Variants in FOXJ3 observed in about 807,000 individuals in gnomAD.
FOXJ3 encodes forkhead box J3, also known as forkhead box protein J3.
In FOXJ3, 22 loss-of-function variants were observed where a neutral mutation model predicts 76.1. The ratio of observed to expected loss-of-function variants is 0.29; its 90% CI spans 0.21 to 0.41. FOXJ3 has a LOEUF of 0.41. FOXJ3 is among the 10% of genes least tolerant of loss of function. FOXJ3 has a pLI of 1.00. For missense variants in FOXJ3, 613 were observed against 762.1 expected (o/e 0.80, Z 2.30); for synonymous variants, 269 against 261.2 (o/e 1.03, Z -0.29).
rs1570271303 is a variant in FOXJ3, at chr1:42,328,999, A to G, written c.-18+6060T>C. On this transcript the variant is annotated intron_variant, in intron 1 of 12. Transcript: ENST00000361346. ...CTATATTTTATCTTGTTATAGCACTAAAGTTTGACACTGTATGAGTCTCAT... is the reference window on the plus strand; with the variant it reads ...CTATATTTTATCTTGTTATAGCACTGAAGTTTGACACTGTATGAGTCTCAT... 3.3e-5 allele frequency among the ~76,000 whole-genome samples: 5 copies of G among 152,248 alleles called. No individual in the cohort carries two copies. In the South Asian group the frequency reaches 1.0e-3, roughly 32 times the overall value.
chr1:42,186,237 AC>A (rs1276204689), intron 11 of FOXJ3, among the ~76,000 whole-genome samples: 1 of 152,106 alleles, frequency 6.6e-6, no homozygotes, highest in African/African-American at 2.4e-5. Flanking sequence ...CAGGCTGGAC[AC>A]GTAAAAAAAA....
rs141684413 is a variant in FOXJ3 at position 42,299,978 on chromosome 1, G to A, written c.44+11072C>T. Among the ~76,000 whole-genome samples, 140 of 151,806 alleles carry A rather than the reference G, an allele frequency of 9.2e-4. 1 individual carries two copies. In the East Asian group the frequency reaches 0.025, roughly 27 times the overall value. The stretch of plus-strand genomic sequence containing the variant: ...AGCACTTTGGAAGGCCCAGGTGGGC[G>A]GATCACGAGGTCAGGAGTTTGAGAC... On this transcript the variant is annotated intron_variant, in intron 2 of 12. Transcript: ENST00000361346.
At chr1:42,198,773 G>A (rs2124265424) in intron 7 of FOXJ3, among the ~76,000 whole-genome samples, 1 of 152,262 alleles carries the variant, frequency 6.6e-6, no homozygotes, top group Non-Finnish European at 1.5e-5. Context: ...TAAGCTCTAA[G>A]AAGTACAGAA....
At chr1:42,251,706 A>ATT (rs1168120638) in intron 4 of FOXJ3, among the ~76,000 whole-genome samples, 973 of 87,486 alleles carry the variant, frequency 0.011, 78 homozygotes, top group African/African-American at 0.029. Flanking sequence ...GTTTGCCAGT[A>ATT]TTTTTTTTTT....
chr1:42,318,360 A>T (rs1655241906), intron 1 of FOXJ3, among the ~76,000 whole-genome samples: 1 of 152,194 alleles, frequency 6.6e-6, no homozygotes, highest in Non-Finnish European at 1.5e-5. Context: ...TTTATTTTGG[A>T]GATGGAGTTT....
At position 42,179,491 on chromosome 1, in the gene FOXJ3, T is replaced by C. The variant is rs939349143; in HGVS notation, c.*219A>G. Reference sequence around the variant, plus strand: ...AATCACACAACAGTTAGGAGCTACATAGGGCAGCTGGCAGGGAGACAAACA... The same window carrying C: ...AATCACACAACAGTTAGGAGCTACACAGGGCAGCTGGCAGGGAGACAAACA... On this transcript the variant is annotated 3_prime_UTR_variant, in exon 13 of 13. Coordinates refer to ENST00000361346, the MANE Select transcript of FOXJ3 (RefSeq NM_014947.5). 32 of 370,846 alleles carry C rather than the reference T, an allele frequency of 8.6e-5. No homozygotes were observed. In the East Asian group the frequency reaches 1.4e-3, roughly 16 times the overall value. The allele number at this position is 370,846 out of a possible 1,614,324, so 23.0% of individuals were successfully genotyped here.
intron 5 of FOXJ3, among the ~76,000 whole-genome samples, chr1:42,213,855 T>C (rs775262062): frequency 2.6e-5 from 4 of 152,158 alleles, no homozygotes; most frequent in Admixed American, 6.5e-5. Flanking sequence ...TGGTGTTCTA[T>C]TGCACATCCC....
intron 8 of FOXJ3, among the ~76,000 whole-genome samples, chr1:42,193,525 T>C (rs1413779542): frequency 6.6e-6 from 1 of 152,158 alleles, no homozygotes; most frequent in African/African-American, 2.4e-5. Context: ...TAGCAAAGTC[T>C]TCCATTAGTT....
In FOXJ3 at chr1:42,297,470, G is replaced by A. The variant is rs1653861472; in HGVS notation, c.44+13580C>T. On this transcript the variant is annotated intron_variant, in intron 2 of 12. Transcript: ENST00000361346. ...TGCCTAGTTTATTGAGGGTTGTTAT[G>A]AAGCGATGTTGGATTTTATCAAATC... 3.3e-5 allele frequency among the ~76,000 whole-genome samples: 5 copies of A among 152,194 alleles called. No homozygotes were observed. The South Asian group carries it at 1.0e-3, about 31-fold the overall frequency.
intron 1 of FOXJ3, among the ~76,000 whole-genome samples, chr1:42,326,248 C>T (rs1378240968): frequency 6.6e-6 from 1 of 152,014 alleles, no homozygotes; most frequent in Non-Finnish European, 1.5e-5. Flanking sequence ...GAGACTCCAA[C>T]TCAAAAAAAA....
intron 2 of FOXJ3, among the ~76,000 whole-genome samples, chr1:42,286,518 A>G (rs1653062287): frequency 6.6e-6 from 1 of 152,250 alleles, no homozygotes; most frequent in Non-Finnish European, 1.5e-5. Context: ...GGACTGTTGT[A>G]AGATTAAATG....
intron 2 of FOXJ3, among the ~76,000 whole-genome samples, chr1:42,283,969 CG>C (rs1396574615): frequency 6.6e-6 from 1 of 152,066 alleles, no homozygotes; most frequent in Non-Finnish European, 1.5e-5. Flanking sequence ...CATCTTGGAT[CG>C]TAAGATGATC....
At chr1:42,310,868 T>C (rs541728895) in intron 2 of FOXJ3, among the ~76,000 whole-genome samples, 182 bp downstream of exon 2, 1 of 152,292 alleles carries the variant, frequency 6.6e-6, no homozygotes, top group African/African-American at 2.4e-5. Flanking sequence ...CCAAATCCCA[T>C]TACCACGAAA....
At chr1:42,326,719 T>G (rs1655855624) in intron 1 of FOXJ3, among the ~76,000 whole-genome samples, 1 of 152,160 alleles carries the variant, frequency 6.6e-6, no homozygotes, top group African/African-American at 2.4e-5. Context: ...GGACCTAAAT[T>G]TAACAAGGGG....
chr1:42,328,851 G>A (rs1655994898), intron 1 of FOXJ3, among the ~76,000 whole-genome samples: 1 of 151,902 alleles, frequency 6.6e-6, no homozygotes, highest in Admixed American at 6.6e-5. Context: ...ATTTTTAGTA[G>A]AGACGAGATT....
rs541949560 is a variant in FOXJ3 at position 42,278,707 on chromosome 1, G to GA, written c.45-36dup. ...AATAGACTCCTTAGTCAATATCAAG[G>GA]AAAGAACCCCTGCTTCTCAAAATAT... On this transcript the variant is annotated intron_variant, in intron 2 of 12. Transcript: ENST00000361346. 5.6e-4 allele frequency: 797 copies of GA among 1,428,340 alleles called. 9 individuals carry two copies. The East Asian group carries it at 0.014, about 25-fold the overall frequency. The allele number at this position is 1,428,340 out of a possible 1,614,324, so 88.5% of individuals were successfully genotyped here. A position where few individuals can be genotyped will look rare whatever the true frequency, so the allele number is the denominator to read the frequency against.
chr1:42,316,333 C>CGTTTTTTTTTTTTTTTTTT (rs1322633444), intron 1 of FOXJ3, among the ~76,000 whole-genome samples: 1 of 73,914 alleles, frequency 1.4e-5, no homozygotes, highest in African/African-American at 4.3e-5. Context: ...TGCATTGGGC[C>CGTTTTTTTTTTTTTTTTTT]TTTTTTTTTT....
At chr1:42,303,298 G>T (rs10736423) in intron 2 of FOXJ3, among the ~76,000 whole-genome samples, 106,497 of 152,118 alleles carry the variant, frequency 0.7, 38,028 homozygotes, top group Admixed American at 0.8. Context: ...GATAATAATG[G>T]TACTGACCTC....
At chr1:42,255,089 G>A (rs932900741) in intron 4 of FOXJ3, among the ~76,000 whole-genome samples, 1 of 151,872 alleles carries the variant, frequency 6.6e-6, no homozygotes, top group African/African-American at 2.4e-5. Context: ...TTCCTTAAAA[G>A]GCAACTAACT....
Sources: gnomAD v4.1 joint callset for allele counts (sites outside exome capture counted in the v4.1 genomes callset) on GRCh38, gnomAD v4.1.1 for gene constraint, MANE v1.5 for transcripts, NCBI Gene and HGNC (gene_info 2026-07-23, HGNC 2026-07-21) for gene names.